The following PARD3 variants were observed in gnomAD, a reference collection of about 807,000 sequenced individuals.
PARD3 encodes par-3 family cell polarity regulator.
PARD3 carries 75 observed loss-of-function variants against 155.4 expected under a neutral mutation model. That is an observed-to-expected ratio of 0.48 (90% CI 0.40 to 0.58). The LOEUF is 0.58. Among genes scored for constraint, PARD3 ranks in the 20% least tolerant of loss-of-function variants. PARD3 has a pLI of 0.00. For missense variants in PARD3, 1,642 were observed against 1,721.7 expected, an observed-to-expected ratio of 0.95 and a Z score of 0.82; for synonymous variants, 576 against 610.5, an observed-to-expected ratio of 0.94 and a Z score of 0.83.
chr10:34,145,400 T>C (rs1178841895), intron 22 of PARD3, among the ~76,000 whole-genome samples: 2 of 151,258 alleles, frequency 1.3e-5, no homozygotes, highest in Admixed American at 6.6e-5. Flanking sequence ...TATCCTTTAT[T>C]ATCTCTGTTC....
At chr10:34,736,745 G>A (rs1279590431) in intron 1 of PARD3, among the ~76,000 whole-genome samples, 2 of 151,748 alleles carry the variant, frequency 1.3e-5, no homozygotes, top group Admixed American at 6.6e-5. Flanking sequence ...TGCAATCTAG[G>A]CTCACTGCAA....
At chr10:34,276,079 G>C (rs1392032345) in intron 21 of PARD3, among the ~76,000 whole-genome samples, 1 of 152,080 alleles carries the variant, frequency 6.6e-6, no homozygotes, top group African/African-American at 2.4e-5. Context: ...ATCACAGGCA[G>C]TTGTACCACC....
At chr10:34,288,412 G>A (rs1179817045) in intron 20 of PARD3, among the ~76,000 whole-genome samples, 17 of 151,860 alleles carry the variant, frequency 1.1e-4, no homozygotes, top group African/African-American at 2.4e-5. Context: ...GTAATATTCT[G>A]ACAAATGAAA....
At position 34,542,234 on chromosome 10, in the gene PARD3, T is replaced by TGTGTGTGTGTGTGTGCAC. The variant is rs143582528; in HGVS notation, c.223-25076_223-25075insGTGCACACACACACACAC. On this transcript the variant is annotated intron_variant, in intron 2 of 24. Transcript: ENST00000374788. ...GTGTGTGTGTGTGTGTGTGTGTGTGTGTGTGCACACACACACACGCTTGCA... is the reference window on the plus strand; with the variant it reads ...GTGTGTGTGTGTGTGTGTGTGTGTGTGTGTGTGTGTGTGTGCACGTGTGCACACACACACACGCTTGCA... Among the ~76,000 whole-genome samples the TGTGTGTGTGTGTGTGCAC allele has an allele frequency of 4.0e-3, 581 of 146,290 alleles. 5 individuals are homozygous for TGTGTGTGTGTGTGTGCAC. Among genetic ancestry groups the TGTGTGTGTGTGTGTGCAC allele is most frequent in the East Asian group, 6.8e-3 (33 of 4,824 alleles).
chr10:34,418,510 T>C (rs1845886564), intron 5 of PARD3, among the ~76,000 whole-genome samples: 1 of 152,204 alleles, frequency 6.6e-6, no homozygotes, highest in Non-Finnish European at 1.5e-5. Context: ...ACATTTCCAA[T>C]GGGAATGTGA....
rs533339492 is a variant in PARD3, at chr10:34,803,099, C to T, written c.120+11777G>A. 1.6e-3 allele frequency among the ~76,000 whole-genome samples: 234 copies of T among 144,180 alleles called. 1 individual carries two copies. The highest frequency in any genetic ancestry group is 0.014 in the Admixed American group (197 of 14,344). The allele number at this position is 144,180 out of a possible 152,430, so 94.6% of individuals were successfully genotyped here. ...AAAAAAAAAAAAAAAATTAGCTGGG[C>T]GTGGTGGTGCATGCCTGTAATCCCA... is the stretch of plus-strand genomic sequence containing the variant. On this transcript the variant is annotated intron_variant, in intron 1 of 24. Transcript: ENST00000374788.
At chr10:34,264,635 C>G (rs555099339) in intron 22 of PARD3, among the ~76,000 whole-genome samples, 5 of 152,234 alleles carry the variant, frequency 3.3e-5, no homozygotes, top group African/African-American at 1.2e-4. Context: ...AGTCCCCACT[C>G]TAGGTACACT....
At chr10:34,349,554 C>T (rs1381694754) in intron 14 of PARD3, among the ~76,000 whole-genome samples, 3 of 86,248 alleles carry the variant, frequency 3.5e-5, no homozygotes, top group African/African-American at 1.4e-4. Context: ...AATGTAATGC[C>T]TAAATTCCAA....
chr10:34,449,952 G>A (rs943140302), intron 5 of PARD3, among the ~76,000 whole-genome samples: 8 of 152,178 alleles, frequency 5.3e-5, no homozygotes, highest in South Asian at 2.1e-4. Flanking sequence ...TTTAATTTGC[G>A]TCTTCAGATC....
At chr10:34,593,362 C>G (rs948159692) in intron 2 of PARD3, among the ~76,000 whole-genome samples, 1 of 152,042 alleles carries the variant, frequency 6.6e-6, no homozygotes, top group African/African-American at 2.4e-5. Flanking sequence ...CAGTTGAGCA[C>G]GAATTTATAC....
At chr10:34,615,964 G>T (rs1267895182) in intron 2 of PARD3, among the ~76,000 whole-genome samples, 3 of 152,200 alleles carry the variant, frequency 2.0e-5, no homozygotes, top group African/African-American at 7.2e-5. Context: ...AGGATGTGGA[G>T]AAAGGAGAAC....
chr10:34,358,627 A>T (rs1417929921), intron 14 of PARD3, among the ~76,000 whole-genome samples: 1 of 152,198 alleles, frequency 6.6e-6, no homozygotes, highest in Non-Finnish European at 1.5e-5. Flanking sequence ...CAGAAGATGG[A>T]GGCTGCAGCG....
chr10:34,194,293 C>T (rs768559145), intron 22 of PARD3, among the ~76,000 whole-genome samples: 1 of 152,120 alleles, frequency 6.6e-6, no homozygotes, highest in Non-Finnish European at 1.5e-5. Flanking sequence ...AAAAGGCAGA[C>T]GTGGAAGTTG....
intron 1 of PARD3, among the ~76,000 whole-genome samples, chr10:34,702,896 AC>A (rs1187307728): frequency 6.6e-6 from 1 of 152,160 alleles, no homozygotes; most frequent in Non-Finnish European, 1.5e-5. Flanking sequence ...AGAGAACAAA[AC>A]AAATAGTAAA....
intron 1 of PARD3, among the ~76,000 whole-genome samples, chr10:34,697,241 C>G (rs376455222): frequency 3.3e-5 from 5 of 152,244 alleles, no homozygotes; most frequent in African/African-American, 1.2e-4. Context: ...ATCACTCTTA[C>G]GTACATATTC....
chr10:34,713,791 A>T (rs1270498670), intron 1 of PARD3, among the ~76,000 whole-genome samples: 1 of 151,858 alleles, frequency 6.6e-6, no homozygotes, highest in African/African-American at 2.4e-5. Context: ...AAAGGAAACA[A>T]AAACAACCCA....
rs116008422 is a variant in PARD3 at position 34,251,342 on chromosome 10, G to A, written c.3419+18315C>T. ...CTTAGAACTCAAGAACAAAGACGAC[G>A]GTGATGGTAGTGGTGGCATCATACG... On this transcript the variant is annotated intron_variant, in intron 22 of 24. Transcript: ENST00000374788. 2.1e-3 allele frequency among the ~76,000 whole-genome samples: 322 copies of A among 152,286 alleles called. 1 individual carries two copies. Among genetic ancestry groups the A allele is most frequent in the African/African-American group, 7.4e-3 (306 of 41,558 alleles).
chr10:34,256,364 C>T (rs1452629717), intron 22 of PARD3, among the ~76,000 whole-genome samples: 2 of 152,236 alleles, frequency 1.3e-5, no homozygotes, highest in African/African-American at 4.8e-5. Flanking sequence ...TTGCTCCACA[C>T]TTGGTCAGGC....
At chr10:34,466,752 A>G (rs1257715434) in intron 4 of PARD3, among the ~76,000 whole-genome samples, 1 of 152,156 alleles carries the variant, frequency 6.6e-6, no homozygotes, top group African/African-American at 2.4e-5. Context: ...GTACCTAAGC[A>G]GCAAGTATGC....
Sources: gnomAD v4.1 joint callset for allele counts (sites outside exome capture counted in the v4.1 genomes callset) on GRCh38, gnomAD v4.1.1 for gene constraint, MANE v1.5 for transcripts, NCBI Gene and HGNC (gene_info 2026-07-23, HGNC 2026-07-21) for gene names.